Variants in SPATA7 observed in about 807,000 individuals in gnomAD.
SPATA7 encodes the protein spermatogenesis-associated protein 7.
Under a neutral mutation model 51.8 loss-of-function variants are expected in SPATA7, and 43 were observed. That is an observed-to-expected ratio of 0.83 (90% confidence interval 0.65 to 1.07). The LOEUF (loss-of-function observed/expected upper bound fraction) is 1.07, where lower values mean the gene tolerates loss of function less well. Ranked by LOEUF, SPATA7 falls within the 50% of genes least tolerant of loss-of-function variation. SPATA7 has a pLI of 0.00. For missense variants in SPATA7, 683 were observed against 701.3 expected, an observed-to-expected ratio of 0.97 and a Z score of 0.30; for synonymous variants, 230 against 252.8, an observed-to-expected ratio of 0.91 and a Z score of 0.86.
chr14:88,401,726 A>G (rs2076064316), intron 4 of SPATA7, among the ~76,000 whole-genome samples: 1 of 151,534 alleles, frequency 6.6e-6, no homozygotes, highest in Non-Finnish European at 1.5e-5. Flanking sequence ...AGTCCTAGCT[A>G]CATTGGAGGC....
downstream of SPATA7, among the ~76,000 whole-genome samples, chr14:88,442,589 A>G (rs1335841986): frequency 2.6e-5 from 4 of 152,150 alleles, no homozygotes; most frequent in Non-Finnish European, 5.9e-5. Flanking sequence ...GGTATATCAC[A>G]TTTATTGATT....
At chr14:88,417,257 T>C (rs2076506046) in intron 5 of SPATA7, among the ~76,000 whole-genome samples, 1 of 151,590 alleles carries the variant, frequency 6.6e-6, no homozygotes, top group African/African-American at 2.4e-5. Flanking sequence ...TTTGCATCTC[T>C]TGGAATGATG....
intron 1 of SPATA7, among the ~76,000 whole-genome samples, chr14:88,388,903 G>T (rs1441908129): frequency 6.6e-6 from 1 of 152,144 alleles, no homozygotes; most frequent in South Asian, 2.1e-4. Flanking sequence ...CTTCATCACC[G>T]AGGAGTGATA....
chr14:88,439,093 A>G (rs780263034), downstream of SPATA7, among the ~76,000 whole-genome samples: 1 of 152,202 alleles, frequency 6.6e-6, no homozygotes, highest in Non-Finnish European at 1.5e-5. Context: ...TATTTTACCT[A>G]TATTTTCAGA....
chr14:88,443,635 C>T (rs2077192865), intron 3 of SPATA7, among the ~76,000 whole-genome samples: 1 of 149,964 alleles, frequency 6.7e-6, no homozygotes, highest in African/African-American at 2.5e-5. Context: ...CTCCCCCGAC[C>T]CCACGACCCC....
chr14:88,451,105 A>T (rs911521582), intron 3 of SPATA7, among the ~76,000 whole-genome samples: 1 of 152,066 alleles, frequency 6.6e-6, no homozygotes, highest in Admixed American at 6.6e-5. Context: ...AGACCTTCCA[A>T]TGCATTTTGC....
intron 4 of SPATA7, chr14:88,415,833 T>G (rs1158877926): frequency 3.3e-5 from 5 of 152,222 alleles, no homozygotes; most frequent in African/African-American, 1.2e-4. Flanking sequence ...CACATTGAAA[T>G]GTAACCCCTA....
chr14:88,387,593 C>T (rs1189143552), intron 1 of SPATA7, among the ~76,000 whole-genome samples: 1 of 152,162 alleles, frequency 6.6e-6, no homozygotes, highest in Non-Finnish European at 1.5e-5. Flanking sequence ...TATCTTTTGT[C>T]ATGCTCTTAC....
intron 3 of SPATA7, among the ~76,000 whole-genome samples, chr14:88,451,372 T>G (rs1345153132): frequency 6.6e-6 from 1 of 152,084 alleles, no homozygotes; most frequent in Non-Finnish European, 1.5e-5. Context: ...GTTCACCACG[T>G]TGGGCAGGCT....
chr14:88,445,749 G>T (rs948842489), intron 3 of SPATA7, among the ~76,000 whole-genome samples: 1 of 152,150 alleles, frequency 6.6e-6, no homozygotes, highest in Non-Finnish European at 1.5e-5. Context: ...ATAATCATGT[G>T]TTTTTTGTCT....
chr14:88,433,853 ATCCTC>A (rs944988155), intron 10 of SPATA7, among the ~76,000 whole-genome samples: 11 of 152,170 alleles, frequency 7.2e-5, no homozygotes, highest in African/African-American at 2.7e-4. Context: ...AATTATTTCT[ATCCTC>A]TACATCAAGT....
chr14:88,433,241 T>G (rs2076987210), intron 10 of SPATA7, 29 bp downstream of exon 10: 2 of 1,422,202 alleles, frequency 1.4e-6, no homozygotes, highest in South Asian at 2.3e-5. Flanking sequence ...GTTATGTTAA[T>G]TCAGGAGTAC....
At chr14:88,400,290 C>G (rs2076020258) in intron 4 of SPATA7, among the ~76,000 whole-genome samples, 1 of 151,870 alleles carries the variant, frequency 6.6e-6, no homozygotes, top group Non-Finnish European at 1.5e-5. Flanking sequence ...AAAACAAAAC[C>G]ACAATATACC....
chr14:88,386,102 A>G, intron 1 of SPATA7: 3 of 1,321,832 alleles, frequency 2.3e-6, no homozygotes, highest in Non-Finnish European at 3.0e-6. Flanking sequence ...AGGGTCGTGC[A>G]GCCTTTAAAA....
In SPATA7 at chr14:88,438,357, G is replaced by A; in HGVS notation, c.1735G>A (p.Asp579Asn). ...FSSVKGDNNHDMELSTLKIME... is the reference protein window; with the variant it reads ...FSSVKGDNNHNMELSTLKIME... The stretch of plus-strand genomic sequence containing the variant: ...CAGTGTCAAAGGCGACAATAATCAT[G>A]ACATGGAGTTATCAACTCTTAAAAT... Residue 579 changes from aspartate (D) to asparagine (N), a missense_variant, in exon 12 of 12, where the codon GAC (aspartate) becomes AAC (asparagine). Transcript: ENST00000393545. 1 of 1,614,104 alleles carries A rather than the reference G, an allele frequency of 6.2e-7. No homozygotes were observed. Among genetic ancestry groups the A allele is most frequent in the Non-Finnish European group, 8.5e-7 (1 of 1,180,002 alleles).
downstream of SPATA7, chr14:88,455,419 C>T (rs530040703): frequency 5.9e-6 from 1 of 170,128 alleles, no homozygotes; most frequent in South Asian, 1.5e-4. Flanking sequence ...GCAGTAAGAT[C>T]CACAGTTGAA....
chr14:88,394,386 A>G (rs950996929), intron 3 of SPATA7, among the ~76,000 whole-genome samples: 5 of 152,150 alleles, frequency 3.3e-5, no homozygotes, highest in South Asian at 4.1e-4. Context: ...TACCTTTTCT[A>G]TAAGTTCATA....
chr14:88,460,779 G>T (rs2077312061), intron 4 of SPATA7, among the ~76,000 whole-genome samples: 1 of 152,180 alleles, frequency 6.6e-6, no homozygotes, highest in African/African-American at 2.4e-5. Flanking sequence ...GAGGGGGAGA[G>T]GCGCTCTGAT....
At chr14:88,455,177 C>T (rs2077276346) in exon 4 of SPATA7, 1 of 437,264 alleles carries the variant, frequency 2.3e-6, no homozygotes, top group Middle Eastern at 3.4e-4. Flanking sequence ...CTCTGCAAGC[C>T]CACTGTGAAA....
Sources: allele counts gnomAD v4.1 joint callset (sites outside exome capture counted in the v4.1 genomes callset), GRCh38; gene constraint gnomAD v4.1.1; transcripts MANE v1.5; gene names NCBI Gene and HGNC (gene_info 2026-07-23, HGNC 2026-07-21).